ECT2: variants seen among roughly 807,000 people sequenced by gnomAD.
The protein encoded by ECT2 is epithelial cell transforming 2.
In ECT2, 61 loss-of-function variants were observed where a neutral mutation model predicts 116.9. The observed-to-expected ratio is 0.52, with a 90% CI of 0.42 to 0.65. ECT2 has a LOEUF of 0.65. Ranked by LOEUF, ECT2 falls within the 30% of genes least tolerant of loss-of-function variation. The pLI is 0.00. For synonymous variants in ECT2, 358 were observed against 346.4 expected (o/e 1.03, Z -0.37); for missense variants, 937 against 1,078.7 (o/e 0.87, Z 1.84).
At chr3:172,782,927 C>CT (rs751329925) in intron 15 of ECT2, among the ~76,000 whole-genome samples, 30 of 151,976 alleles carry the variant, frequency 2.0e-4, no homozygotes, top group African/African-American at 6.8e-4. Context: ...ACCACATTTT[C>CT]TTTATCAAGT....
intron 21 of ECT2, 33 bp from the exon 22 acceptor site, chr3:172,807,737 C>T: frequency 6.3e-7 from 1 of 1,588,126 alleles, no homozygotes; most frequent in Non-Finnish European, 8.6e-7. Flanking sequence ...CAAGGAGTGA[C>T]ACTTAATGTT....
At position 172,802,954 on chromosome 3, in the gene ECT2, C is replaced by G; in HGVS notation, c.2080C>G (p.Leu694Val). 6.2e-7 allele frequency: 1 copy of G among 1,612,394 alleles called. No homozygotes were observed. The highest frequency in any genetic ancestry group is 8.5e-7 in the Non-Finnish European group (1 of 1,179,256). ...HPCDRGEQVTLFLFNDCLEIA... is the reference protein window; with the variant it reads ...HPCDRGEQVTVFLFNDCLEIA... ...CTGTGACAGAGGAGAACAAGTAACT[C>G]TCTTCCTCTTCAATGATTGCCTAGA... Residue 694 changes from leucine to valine, a missense_variant, in exon 20 of 25, where the codon CTC (leucine) becomes GTC (valine). Coordinates refer to ENST00000392692, the MANE Select transcript of ECT2 (RefSeq NM_001258315.2).
intron 1 of ECT2, among the ~76,000 whole-genome samples, chr3:172,751,550 G>A (rs551582888): frequency 1.2e-4 from 18 of 151,678 alleles, no homozygotes; most frequent in Non-Finnish European, 2.4e-4. Context: ...CACGTATTAA[G>A]CGTTAAGTAA....
intron 18 of ECT2, among the ~76,000 whole-genome samples, chr3:172,790,140 T>G (rs540337987): frequency 1.3e-5 from 2 of 152,324 alleles, no homozygotes; most frequent in East Asian, 3.9e-4. Flanking sequence ...TCTCCGCTTA[T>G]GCCTCCAACC....
At chr3:172,779,728 A>G (rs1012928286) in intron 14 of ECT2, among the ~76,000 whole-genome samples, 1 of 152,104 alleles carries the variant, frequency 6.6e-6, no homozygotes, top group Non-Finnish European at 1.5e-5. Flanking sequence ...CAACATAGTG[A>G]GAACCCATTT....
intron 12 of ECT2, among the ~76,000 whole-genome samples, chr3:172,766,530 A>G (rs79142734): frequency 6.6e-6 from 1 of 152,350 alleles, no homozygotes; most frequent in East Asian, 1.9e-4. Flanking sequence ...ATGAAATAAT[A>G]AGGTGCTGAA....
chr3:172,793,232 C>T (rs1210119813), intron 18 of ECT2, among the ~76,000 whole-genome samples: 9 of 152,280 alleles, frequency 5.9e-5, no homozygotes, highest in Non-Finnish European at 1.3e-4. Flanking sequence ...GTAGTGCGAT[C>T]TCGGCTCACT....
At chr3:172,768,639 A>T (rs1316818157) in intron 12 of ECT2, among the ~76,000 whole-genome samples, 4 of 152,212 alleles carry the variant, frequency 2.6e-5, no homozygotes, top group Non-Finnish European at 4.4e-5. Flanking sequence ...TGTCCTTTTT[A>T]GCAAAAGGAA....
chr3:172,769,177 T>C, intron 13 of ECT2, 34 bp downstream of exon 13: 1 of 1,571,142 alleles, frequency 6.4e-7, no homozygotes. Flanking sequence ...ATGATTTCTG[T>C]TCCAGTGTTC....
intron 17 of ECT2, among the ~76,000 whole-genome samples, chr3:172,785,942 A>G (rs534155610): frequency 3.3e-5 from 5 of 152,318 alleles, no homozygotes; most frequent in East Asian, 1.9e-4. Flanking sequence ...CTTTATTACT[A>G]TTATTCCACA....
intron 12 of ECT2, 142 bp downstream of exon 12, chr3:172,764,642 G>A (rs1436550702): frequency 6.8e-6 from 5 of 730,414 alleles, no homozygotes; most frequent in Non-Finnish European, 6.6e-6. Flanking sequence ...AAAGACACAT[G>A]AATAGTTAAG....
intron 9 of ECT2, 26 bp downstream of exon 9, chr3:172,762,572 T>G: frequency 6.3e-7 from 1 of 1,582,986 alleles, no homozygotes; most frequent in Non-Finnish European, 8.5e-7. Flanking sequence ...ATGTAAAAGT[T>G]ATATCTATTT....
intron 18 of ECT2, among the ~76,000 whole-genome samples, chr3:172,796,762 G>A (rs758057757): frequency 1.3e-5 from 2 of 152,108 alleles, no homozygotes; most frequent in Non-Finnish European, 2.9e-5. Context: ...TGCCTCTCAG[G>A]TTCCAGCGAT....
chr3:172,776,955 A>C (rs921162784), intron 14 of ECT2, among the ~76,000 whole-genome samples: 2 of 151,698 alleles, frequency 1.3e-5, no homozygotes, highest in Non-Finnish European at 2.9e-5. Context: ...GCTCACTGCA[A>C]CCTCCATCTC....
chr3:172,779,949 A>C (rs1219340745), intron 14 of ECT2, among the ~76,000 whole-genome samples: 1 of 152,062 alleles, frequency 6.6e-6, no homozygotes, highest in East Asian at 1.9e-4. Context: ...TTAATAACTT[A>C]ACCAAGTGGT....
At position 172,819,686 on chromosome 3, in the gene ECT2, C is replaced by T. The variant is rs188958637; in HGVS notation, c.2656-462C>T. Among the ~76,000 whole-genome samples, 695 of 152,098 alleles carry T rather than the reference C, an allele frequency of 4.6e-3. 9 individuals carry two copies. Among genetic ancestry groups the T allele is most frequent in the South Asian group, 0.044 (210 of 4,822 alleles). On this transcript the variant is annotated intron_variant, in intron 24 of 24. Transcript: ENST00000392692. The stretch of plus-strand genomic sequence containing the variant: ...CTCACATATGTACATCTGAGTTGTA[C>T]ATATATTACAAACACTCTTTGAGAG...
Position 172,757,085 on chromosome 3 carries a change from T to A in ECT2, c.406T>A (p.Ser136Thr). The change falls in exon 5 of 25, where the codon TCT (serine) becomes ACT (threonine). Residue 136 changes from serine (S) to threonine (T), a missense_variant. Ser to Thr is a moderately conservative substitution (Grantham distance 58). Coordinates refer to ENST00000392692, the MANE Select transcript of ECT2 (RefSeq NM_001258315.2). ...ATTTGTAGTCACGGACTTTCAGGAT[T>A]CTGTCTTTAATGACCTCTACAAGGC... Reference protein sequence around the residue: ...NVFVVTDFQDSVFNDLYKADC... With the variant: ...NVFVVTDFQDTVFNDLYKADC... The A allele has an allele frequency of 1.2e-6, 2 of 1,610,672 alleles. No homozygotes were observed. The highest frequency in any genetic ancestry group is 2.2e-5 in the South Asian group (2 of 90,312).
Position 172,755,359 on chromosome 3 carries a change from T to TA in ECT2, c.196dup (p.Ile66AsnfsTer8). The TA allele has an allele frequency of 6.2e-7, 1 of 1,604,226 alleles. No individual in the cohort carries two copies. The highest frequency in any genetic ancestry group is 8.5e-7 in the Non-Finnish European group (1 of 1,177,570). Reference sequence around the variant, plus strand: ...AAGAAGCTGGAAAACAAGAAGAACTTATAAAAGCCTTAAAGGTACGGAGTT... The same window carrying TA: ...AAGAAGCTGGAAAACAAGAAGAACTTAATAAAAGCCTTAAAGGTACGGAGTT... On this transcript the variant is annotated frameshift_variant, in exon 3 of 25. Coordinates refer to ENST00000392692, the MANE Select transcript of ECT2 (RefSeq NM_001258315.2). LOFTEE classifies it high-confidence loss of function.
chr3:172,772,428 C>T (rs1322205272), intron 13 of ECT2, among the ~76,000 whole-genome samples: 1 of 152,130 alleles, frequency 6.6e-6, no homozygotes, highest in Non-Finnish European at 1.5e-5. Flanking sequence ...GATCTCCTGA[C>T]CTCGCGATCC....
Sources: allele counts gnomAD v4.1 joint callset (sites outside exome capture counted in the v4.1 genomes callset), GRCh38; gene constraint gnomAD v4.1.1; transcripts MANE v1.5; gene names NCBI Gene and HGNC (gene_info 2026-07-23, HGNC 2026-07-21).